The following DENND5A variants were observed in gnomAD, a reference collection of about 807,000 sequenced individuals.
DENND5A encodes the protein DENN domain containing 5A.
In DENND5A, 64 loss-of-function variants were observed where a neutral mutation model predicts 140.3. The ratio of observed to expected loss-of-function variants is 0.46; its 90% CI spans 0.37 to 0.56. DENND5A has a LOEUF of 0.56. Among genes scored for constraint, DENND5A ranks in the 20% least tolerant of loss-of-function variants. The pLI, the probability that DENND5A is intolerant of heterozygous loss-of-function variation, is 0.00. For synonymous variants in DENND5A, 605 were observed against 607.7 expected, an observed-to-expected ratio of 1.00 and a Z score of 0.07; for missense variants, 1,292 against 1,593.8, an observed-to-expected ratio of 0.81 and a Z score of 3.22.
intron 22 of DENND5A, among the ~76,000 whole-genome samples, chr11:9,140,943 A>C (rs1590199780): frequency 6.6e-6 from 1 of 152,316 alleles, no homozygotes; most frequent in African/African-American, 2.4e-5. Flanking sequence ...CCTGACCAAC[A>C]TGGAGAAACC....
At position 9,147,029 on chromosome 11, in the gene DENND5A, C is replaced by T. The variant is rs764301963; in HGVS notation, c.2857+1G>A. ...CCAGCTGGGAGCACAGGGCTACTCACGGATAGTTGTGAAGACATTGGTGAA... is the reference window on the plus strand; with the variant it reads ...CCAGCTGGGAGCACAGGGCTACTCATGGATAGTTGTGAAGACATTGGTGAA... On this transcript the variant is annotated splice_donor_variant, in intron 16 of 22. Transcript: ENST00000328194. LOFTEE classifies it high-confidence loss of function. The T allele has an allele frequency of 3.1e-6, 5 of 1,614,088 alleles. No homozygotes were observed. Among genetic ancestry groups the T allele is most frequent in the South Asian group, 2.2e-5 (2 of 91,066 alleles).
chr11:9,190,593 C>G (rs562864914), intron 5 of DENND5A, among the ~76,000 whole-genome samples: 40 of 152,242 alleles, frequency 2.6e-4, no homozygotes, highest in African/African-American at 9.2e-4. Flanking sequence ...AACTCTAAGT[C>G]CATTAAACCT....
chr11:9,150,434 T>A (rs1847577362), intron 14 of DENND5A, among the ~76,000 whole-genome samples: 1 of 152,188 alleles, frequency 6.6e-6, no homozygotes, highest in African/African-American at 2.4e-5. Context: ...AAAGCCAGGC[T>A]AACTCTGAGC....
At chr11:9,163,465 AG>A (rs1292050819) in intron 11 of DENND5A, among the ~76,000 whole-genome samples, 2 of 152,206 alleles carry the variant, frequency 1.3e-5, no homozygotes, top group Non-Finnish European at 2.9e-5. Context: ...GGCTAGGAAT[AG>A]GAAGTTGTCA....
rs148784597 is a variant in DENND5A at position 9,204,129 on chromosome 11, C to T, written c.480G>A (p.Glu160=). The change falls in exon 4 of 23, where the codon GAG becomes GAA. Residue 160 remains glutamate (E), a synonymous_variant. Transcript: ENST00000328194. ...MQTLYHMHNA[E]YDVLHAPPAD... ...CAGGGGGAGCATGTAGGACATCATA[C>T]TCAGCATTGTGCATGTGGTAGAGGG... 4.7e-5 allele frequency: 76 copies of T among 1,614,052 alleles called. No homozygotes were observed. The African/African-American group carries it at 6.0e-4, about 13-fold the overall frequency.
rs534881596 is a variant in DENND5A, at chr11:9,189,223, C to T, written c.1137+4271G>A. Among the ~76,000 whole-genome samples, 16 of 152,328 alleles carry T rather than the reference C, an allele frequency of 1.1e-4. No homozygotes were observed. In the South Asian group the frequency reaches 3.3e-3, roughly 32 times the overall value. ...CCACGTGGTATTGAGCCTGCAAGTA[C>T]ATGGAAGTCAAGAATTGGGGTTTGG... On this transcript the variant is annotated intron_variant, in intron 5 of 22. Coordinates refer to ENST00000328194, the MANE Select transcript of DENND5A (RefSeq NM_015213.4).
In DENND5A at chr11:9,145,034, T is replaced by C; in HGVS notation, c.3083A>G (p.Tyr1028Cys). ...TGTGATCTCATTCCTGACCATCACA[T>C]ACTCCACCAGCCATTTGGCATACAG... ...SGLYAKWLVE[Y>C]VMVRNEITGH... Residue 1028 changes from tyrosine to cysteine, a missense_variant, in exon 18 of 23, where the codon TAT becomes TGT. Tyr to Cys is a radical substitution (Grantham distance 194, BLOSUM62 -2). Transcript: ENST00000328194. 6.2e-7 allele frequency: 1 copy of C among 1,614,138 alleles called. No individual in the cohort carries two copies. Among genetic ancestry groups the C allele is most frequent in the Non-Finnish European group, 8.5e-7 (1 of 1,180,000 alleles).
chr11:9,231,488 G>A (rs1035800112), intron 1 of DENND5A, among the ~76,000 whole-genome samples: 3 of 152,028 alleles, frequency 2.0e-5, no homozygotes, highest in African/African-American at 7.2e-5. Context: ...GGCAGAGGCA[G>A]GCAGATCACC....
At chr11:9,150,905 T>C in intron 13 of DENND5A, 141 bp from the exon 14 acceptor site, 1 of 489,724 alleles carries the variant, frequency 2.0e-6, no homozygotes, top group Non-Finnish European at 3.6e-6. Context: ...TTCATAAATA[T>C]TTATGAAATT....
chr11:9,220,433 G>C (rs1176956870), intron 1 of DENND5A, among the ~76,000 whole-genome samples: 1 of 152,042 alleles, frequency 6.6e-6, no homozygotes, highest in African/African-American at 2.4e-5. Flanking sequence ...CGTAATCCCA[G>C]CTACTTGGGA....
At chr11:9,264,880 G>C in intron 1 of DENND5A, 81 bp downstream of exon 1, 1 of 1,282,024 alleles carries the variant, frequency 7.8e-7, no homozygotes, top group Non-Finnish European at 1.1e-6. Flanking sequence ...CCGGGACAAA[G>C]CGGGGCTGAA....
chr11:9,231,969 C>T (rs1850790831), intron 1 of DENND5A, among the ~76,000 whole-genome samples: 1 of 151,922 alleles, frequency 6.6e-6, no homozygotes, highest in Non-Finnish European at 1.5e-5. Context: ...TCAGGCCCAG[C>T]TGTGACAGCA....
chr11:9,140,265 G>C (rs1166266942), intron 22 of DENND5A: 18 of 1,244,024 alleles, frequency 1.4e-5, no homozygotes, highest in Non-Finnish European at 1.9e-5. Flanking sequence ...TATGAGGTAG[G>C]TACTATTATT....
chr11:9,165,356 T>C (rs1333133603), intron 11 of DENND5A, among the ~76,000 whole-genome samples: 1 of 152,192 alleles, frequency 6.6e-6, no homozygotes, highest in Non-Finnish European at 1.5e-5. Context: ...GCATGCATGC[T>C]CTCAATTAAT....
chr11:9,202,532 C>A (rs558511508), intron 4 of DENND5A, among the ~76,000 whole-genome samples: 1 of 152,080 alleles, frequency 6.6e-6, no homozygotes, highest in African/African-American at 2.4e-5. Context: ...GAATACCCCT[C>A]GCGAATCTTC....
intron 1 of DENND5A, among the ~76,000 whole-genome samples, chr11:9,221,870 G>A (rs1172202285): frequency 2.6e-5 from 4 of 151,972 alleles, no homozygotes. Context: ...TAATTCTCCT[G>A]ACTCAGCCTC....
intron 1 of DENND5A, among the ~76,000 whole-genome samples, chr11:9,249,085 G>A (rs9645644): frequency 0.15 from 22,271 of 151,864 alleles, 2,074 homozygotes; most frequent in Non-Finnish European, 0.21. Flanking sequence ...AAAATTAGCC[G>A]GGCGTGGTGG....
chr11:9,240,255 G>T (rs562532205), intron 1 of DENND5A, among the ~76,000 whole-genome samples: 3 of 151,992 alleles, frequency 2.0e-5, no homozygotes, highest in Admixed American at 1.3e-4. Context: ...TTAACCAGGC[G>T]TTGTGGTGAG....
At chr11:9,204,827 C>T (rs777159003) in intron 3 of DENND5A, among the ~76,000 whole-genome samples, 44 of 152,306 alleles carry the variant, frequency 2.9e-4, no homozygotes, top group Non-Finnish European at 1.0e-4. Context: ...ATGCACTGCA[C>T]TCCAGCCTGA....
Sources: gnomAD v4.1 joint callset for allele counts (sites outside exome capture counted in the v4.1 genomes callset) on GRCh38, gnomAD v4.1.1 for gene constraint, MANE v1.5 for transcripts, NCBI Gene and HGNC (gene_info 2026-07-23, HGNC 2026-07-21) for gene names.